Variants in STAT5A observed in about 807,000 individuals in gnomAD.
STAT5A encodes the protein signal transducer and activator of transcription 5A.
STAT5A carries 26 observed loss-of-function variants against 100.2 expected under a neutral mutation model. The observed-to-expected ratio is 0.26, with a 90% confidence interval of 0.19 to 0.36. STAT5A has a LOEUF of 0.36. STAT5A is among the 10% of genes least tolerant of loss of function. The pLI, the probability that STAT5A is intolerant of heterozygous loss-of-function variation, is 1.00. For missense variants in STAT5A, 634 were observed against 1,027.5 expected, an observed-to-expected ratio of 0.62 and a Z score of 5.24; for synonymous variants, 330 against 424.3, an observed-to-expected ratio of 0.78 and a Z score of 2.73.
intron 3 of STAT5A, among the ~76,000 whole-genome samples, chr17:42,291,169 A>C (rs1316217492): frequency 6.6e-6 from 1 of 152,242 alleles, no homozygotes; most frequent in African/African-American, 2.4e-5. Context: ...GATCCCTCGC[A>C]TGTGCAGTTC....
At chr17:42,306,653 G>A (rs1322609494) in intron 13 of STAT5A, among the ~76,000 whole-genome samples, 2 of 140,526 alleles carry the variant, frequency 1.4e-5, no homozygotes, top group East Asian at 2.2e-4. Flanking sequence ...AGCCAAGAGC[G>A]AGATGACGGA....
rs767427056 is a variant in STAT5A, at chr17:42,308,130, T to G, written c.1907-48T>G. 17 of 1,602,466 alleles carry G rather than the reference T, an allele frequency of 1.1e-5. No individual in the cohort carries two copies. The South Asian group carries it at 1.9e-4, about 18-fold the overall frequency. On this transcript the variant is annotated intron_variant, in intron 15 of 18. Coordinates refer to ENST00000590949, the MANE Select transcript of STAT5A (RefSeq NM_001288718.2). The surrounding 1 kb of genome is among the most constrained non-coding windows in gnomAD (Gnocchi z 4.6). ...CTGCCCTAAAGCCCCACAACCTTGGTCCTCCTGCTGCTGGTGGATTATGGG... is the reference window on the plus strand; with the variant it reads ...CTGCCCTAAAGCCCCACAACCTTGGGCCTCCTGCTGCTGGTGGATTATGGG...
In STAT5A at chr17:42,308,108, C is replaced by G; in HGVS notation, c.1907-70C>G. On this transcript the variant is annotated intron_variant, in intron 15 of 18. Transcript: ENST00000590949. The surrounding 1 kb of genome is among the most constrained non-coding windows in gnomAD (Gnocchi z 4.6). Reference sequence around the variant, plus strand: ...AGCCCAGATTTCTCTTGCAAGCCTGCCCTAAAGCCCCACAACCTTGGTCCT... The same window carrying G: ...AGCCCAGATTTCTCTTGCAAGCCTGGCCTAAAGCCCCACAACCTTGGTCCT... 1 of 1,581,902 alleles carries G rather than the reference C, an allele frequency of 6.3e-7. No homozygotes were observed. The highest frequency in any genetic ancestry group is 8.6e-7 in the Non-Finnish European group (1 of 1,160,392).
intron 5 of STAT5A, among the ~76,000 whole-genome samples, chr17:42,297,848 T>C (rs1288968350): frequency 2.6e-5 from 4 of 152,056 alleles, no homozygotes; most frequent in East Asian, 3.9e-4. Flanking sequence ...TGCTTTTGTC[T>C]GTCCCAGCTT....
At chr17:42,292,142 T>A in intron 4 of STAT5A, 81 bp downstream of exon 4, 2 of 1,526,118 alleles carry the variant, frequency 1.3e-6, no homozygotes, top group Non-Finnish European at 1.8e-6. Context: ...TGTGTTTATA[T>A]AAAACAGCAG....
At chr17:42,291,604 T>A (rs2080869451) in intron 3 of STAT5A, among the ~76,000 whole-genome samples, 1 of 151,724 alleles carries the variant, frequency 6.6e-6, no homozygotes, top group Non-Finnish European at 1.5e-5. Flanking sequence ...TAATCCCAAC[T>A]ACTCAGGAGG....
At chr17:42,299,632 C>T in intron 5 of STAT5A, 119 bp from the exon 6 acceptor site, 4 of 1,532,180 alleles carry the variant, frequency 2.6e-6, no homozygotes, top group Non-Finnish European at 3.5e-6. Flanking sequence ...CCCCGACTTG[C>T]TCTTGATGCA....
At position 42,308,896 on chromosome 17, in the gene STAT5A, C is replaced by G; in HGVS notation, c.2063-151C>G. On this transcript the variant is annotated intron_variant, in intron 16 of 18. Transcript: ENST00000590949. The surrounding 1 kb of genome is among the most constrained non-coding windows in gnomAD (Gnocchi z 4.6). ...GTGACCCTCAGGCAGGATTCATCAG[C>G]TGGTGTTTATTGGGGGTCCTTGGGA... The G allele has an allele frequency of 1.1e-6, 1 of 917,670 alleles. No individual in the cohort carries two copies. The highest frequency in any genetic ancestry group is 1.7e-6 in the Non-Finnish European group (1 of 578,566). The allele number at this position is 917,670 out of a possible 1,614,324, so 56.8% of individuals were successfully genotyped here.
chr17:42,307,649 C>T lies in STAT5A; in HGVS notation c.1832C>T (p.Pro611Leu), dbSNP rs1233888280. The stretch of plus-strand genomic sequence containing the variant: ...GCCCACGACCTGCTCATCAACAAGC[C>T]CGACGGGACCTTCTTGTTGCGCTTT... ...QQAHDLLINK[P>L]DGTFLLRFSD... The change falls in exon 15 of 19, where the codon CCC becomes CTC. Residue 611 changes from proline to leucine, a missense_variant. By Grantham distance (98) the Pro-to-Leu change is moderately conservative (BLOSUM62 -3). Around this residue, in one of 5 missense-constraint regions of STAT5A, gnomAD observed 210 missense variants for 428.4 expected, o/e 0.49. Coordinates refer to ENST00000590949, the MANE Select transcript of STAT5A (RefSeq NM_001288718.2). 1 of 1,614,106 alleles carries T rather than the reference C, an allele frequency of 6.2e-7. No individual in the cohort carries two copies. Among genetic ancestry groups the T allele is most frequent in the South Asian group, 1.1e-5 (1 of 91,082 alleles).
intron 13 of STAT5A, 81 bp from the exon 14 acceptor site, chr17:42,307,320 TG>T: frequency 2.2e-6 from 3 of 1,387,620 alleles, no homozygotes; most frequent in Non-Finnish European, 2.0e-6. Context: ...GAAGACTGGG[TG>T]GGGGCAGGAG....
chr17:42,293,456 C>T (rs923393772), intron 4 of STAT5A, among the ~76,000 whole-genome samples: 1 of 152,240 alleles, frequency 6.6e-6, no homozygotes, highest in African/African-American at 2.4e-5. Context: ...CCACCTGCCT[C>T]GGCCTCCCGA....
At chr17:42,290,097 C>T (rs1396382960) in intron 3 of STAT5A, 75 bp downstream of exon 3, 24 of 1,467,164 alleles carry the variant, frequency 1.6e-5, no homozygotes, top group Non-Finnish European at 2.1e-5. Context: ...TGGGTTTTTT[C>T]CTGGCCTGGC....
chr17:42,299,602 G>C (rs2080954943), intron 5 of STAT5A, 149 bp from the exon 6 acceptor site: 1 of 1,344,068 alleles, frequency 7.4e-7, no homozygotes, highest in Non-Finnish European at 1.0e-6. Context: ...ATTCATCTTG[G>C]CCCCCCTGGC....
Position 42,304,433 on chromosome 17 carries a change from A to T in STAT5A, c.1257+4A>T. The T allele has an allele frequency of 1.2e-6, 2 of 1,614,220 alleles. No individual in the cohort carries two copies. The highest frequency in any genetic ancestry group is 1.7e-6 in the Non-Finnish European group (2 of 1,180,036). On this transcript the variant is annotated splice_donor_region_variant and intron_variant, in intron 10 of 18. Transcript: ENST00000590949. The surrounding 1 kb of genome is among the most constrained non-coding windows in gnomAD (Gnocchi z 4.8). ...CAGTGCCCACTTCAGGAACATGGTG[A>T]GGACGGGGCCCACCCTCGGAGGGCA...
intron 9 of STAT5A, among the ~76,000 whole-genome samples, chr17:42,301,928 G>A (rs1228603248): frequency 6.6e-6 from 1 of 152,186 alleles, no homozygotes; most frequent in African/African-American, 2.4e-5. Context: ...CAGCACTTTG[G>A]GAGGCCACGG....
chr17:42,292,349 G>A (rs1236775156), intron 4 of STAT5A, among the ~76,000 whole-genome samples: 1 of 150,958 alleles, frequency 6.6e-6, no homozygotes, highest in Non-Finnish European at 1.5e-5. Context: ...TTTTTTTTGA[G>A]ACGGATTCTT....
chr17:42,291,773 G>A (rs1048383004), intron 3 of STAT5A, among the ~76,000 whole-genome samples, 199 bp from the exon 4 acceptor site: 13 of 151,814 alleles, frequency 8.6e-5, no homozygotes, highest in African/African-American at 1.5e-4. Context: ...TTTTTAATTC[G>A]CTCCAAACCA....
In STAT5A at chr17:42,308,138, C is replaced by T. The variant is rs1292784346; in HGVS notation, c.1907-40C>T. On this transcript the variant is annotated intron_variant, in intron 15 of 18. Transcript: ENST00000590949. The surrounding 1 kb of genome is among the most constrained non-coding windows in gnomAD (Gnocchi z 4.6). ...AAGCCCCACAACCTTGGTCCTCCTG[C>T]TGCTGGTGGATTATGGGAATGAGGC... The T allele has an allele frequency of 6.2e-7, 1 of 1,605,576 alleles. No individual in the cohort carries two copies. The highest frequency in any genetic ancestry group is 1.7e-5 in the Admixed American group (1 of 59,758).
In STAT5A at chr17:42,298,822, G is replaced by A. The variant is rs111398778; in HGVS notation, c.551-929G>A. Among the ~76,000 whole-genome samples, 56 of 152,244 alleles carry A rather than the reference G, an allele frequency of 3.7e-4. 1 individual carries two copies. Among genetic ancestry groups the A allele is most frequent in the Admixed American group, 9.8e-4 (15 of 15,300 alleles). ...TACTTTTTAAAAGCTAGTGAGGCCTGACTTATTCCCTGTCCCGCCATCAAT... is the reference window on the plus strand; with the variant it reads ...TACTTTTTAAAAGCTAGTGAGGCCTAACTTATTCCCTGTCCCGCCATCAAT... On this transcript the variant is annotated intron_variant, in intron 5 of 18. Coordinates refer to ENST00000590949, the MANE Select transcript of STAT5A (RefSeq NM_001288718.2).
Sources: gnomAD v4.1 joint callset for allele counts (sites outside exome capture counted in the v4.1 genomes callset) on GRCh38, gnomAD v4.1.1 for gene constraint, gnomAD v4.1.1 regional missense constraint, Gnocchi (gnomAD v3.1) non-coding constraint, MANE v1.5 for transcripts, NCBI Gene and HGNC (gene_info 2026-07-23, HGNC 2026-07-21) for gene names.